PDE7B: variants seen among roughly 807,000 people sequenced by gnomAD.
PDE7B encodes the protein 3',5'-cyclic-AMP phosphodiesterase 7B.
Under a neutral mutation model 56.2 loss-of-function variants are expected in PDE7B, and 29 were observed. That is an observed-to-expected ratio of 0.52 (90% CI 0.38 to 0.70). The LOEUF (loss-of-function observed/expected upper bound fraction) is 0.70. Ranked by LOEUF, PDE7B falls within the 30% of genes least tolerant of loss-of-function variation. The pLI is 0.00. For synonymous variants in PDE7B, 197 were observed against 196.9 expected, an observed-to-expected ratio of 1.00 and a Z score of 0.00; for missense variants, 490 against 565.0, an observed-to-expected ratio of 0.87 and a Z score of 1.35.
intron 11 of PDE7B, among the ~76,000 whole-genome samples, chr6:136,182,028 C>T (rs1400814914): frequency 6.6e-6 from 1 of 152,148 alleles, no homozygotes; most frequent in East Asian, 1.9e-4. Flanking sequence ...TTTGTTCAGG[C>T]ATCAACAGTG....
chr6:135,868,660 G>T (rs1254444153), intron 1 of PDE7B, among the ~76,000 whole-genome samples: 1 of 152,186 alleles, frequency 6.6e-6, no homozygotes, highest in Non-Finnish European at 1.5e-5. Flanking sequence ...TTGAACTTCT[G>T]ATCTCAGGTG....
chr6:136,011,972 C>T (rs1403571151), intron 2 of PDE7B, among the ~76,000 whole-genome samples: 1 of 152,178 alleles, frequency 6.6e-6, no homozygotes, highest in Non-Finnish European at 1.5e-5. Context: ...TTATGTCTTT[C>T]TCACGAGGTA....
intron 8 of PDE7B, among the ~76,000 whole-genome samples, chr6:136,157,358 A>G (rs1157043068): frequency 1.3e-5 from 2 of 152,190 alleles, no homozygotes; most frequent in East Asian, 1.9e-4. Flanking sequence ...AGGCAGGCGG[A>G]TCACTTGAGG....
intron 2 of PDE7B, chr6:136,034,476 C>A (rs1776293524): frequency 6.6e-6 from 1 of 152,140 alleles, no homozygotes; most frequent in African/African-American, 2.4e-5. Flanking sequence ...AAAGAAGAAA[C>A]TTTTTAGCAC....
chr6:136,040,004 T>C (rs1776388193), intron 2 of PDE7B, among the ~76,000 whole-genome samples: 1 of 152,208 alleles, frequency 6.6e-6, no homozygotes, highest in South Asian at 2.1e-4. Flanking sequence ...ATTATTTATG[T>C]TCTATATTAG....
chr6:136,056,356 T>G, intron 2 of PDE7B, among the ~76,000 whole-genome samples: 1 of 152,156 alleles, frequency 6.6e-6, no homozygotes, highest in Non-Finnish European at 1.5e-5. Flanking sequence ...TCTAATTATA[T>G]TAATGTGTTT....
At chr6:136,003,965 C>T (rs1775723900) in intron 2 of PDE7B, among the ~76,000 whole-genome samples, 1 of 152,028 alleles carries the variant, frequency 6.6e-6, no homozygotes, top group African/African-American at 2.4e-5. Flanking sequence ...AAAATACTGG[C>T]AAACCGAATC....
At chr6:136,112,340 TG>T (rs1215505525) in intron 3 of PDE7B, among the ~76,000 whole-genome samples, 1 of 152,228 alleles carries the variant, frequency 6.6e-6, no homozygotes, top group East Asian at 1.9e-4. Flanking sequence ...CCCCTCCTCC[TG>T]CCTGTTTTGG....
At chr6:136,038,056 G>A (rs1384319964) in intron 2 of PDE7B, 3 of 1,336,182 alleles carry the variant, frequency 2.2e-6, no homozygotes, top group South Asian at 1.2e-5. Flanking sequence ...CGCTCTCGTC[G>A]GCAGTGTTTG....
At chr6:136,189,800 G>A (rs1363483755) in intron 12 of PDE7B, among the ~76,000 whole-genome samples, 1 of 151,912 alleles carries the variant, frequency 6.6e-6, no homozygotes, top group Non-Finnish European at 1.5e-5. Flanking sequence ...GAAAAGGGAG[G>A]TTGGCAGAAC....
intron 1 of PDE7B, among the ~76,000 whole-genome samples, chr6:135,890,560 C>T (rs2058200270): frequency 6.6e-6 from 1 of 152,176 alleles, no homozygotes; most frequent in Non-Finnish European, 1.5e-5. Flanking sequence ...GTATGACTGG[C>T]ATTTTTGAGA....
intron 2 of PDE7B, among the ~76,000 whole-genome samples, chr6:136,060,042 G>C (rs566145717): frequency 6.6e-6 from 1 of 152,240 alleles, no homozygotes; most frequent in East Asian, 1.9e-4. Flanking sequence ...TCAAACCCAT[G>C]TATTCTAATG....
At chr6:136,033,446 G>A (rs769024108) in intron 2 of PDE7B, among the ~76,000 whole-genome samples, 5 of 152,282 alleles carry the variant, frequency 3.3e-5, no homozygotes, top group Non-Finnish European at 7.3e-5. Context: ...ACAAGAGGCC[G>A]GGCAGGTCCC....
intron 1 of PDE7B, among the ~76,000 whole-genome samples, chr6:135,916,054 C>T (rs1210362810): frequency 6.6e-6 from 1 of 152,098 alleles, no homozygotes. Context: ...TTTTATTTCT[C>T]TTGAATAAGT....
intron 2 of PDE7B, among the ~76,000 whole-genome samples, chr6:136,093,819 C>T (rs1370922794): frequency 1.3e-5 from 2 of 152,216 alleles, no homozygotes; most frequent in East Asian, 1.9e-4. Context: ...ATAAAGTGCC[C>T]CAACAGTCTG....
chr6:135,926,598 C>A (rs1003050474), intron 1 of PDE7B, among the ~76,000 whole-genome samples: 19 of 151,982 alleles, frequency 1.3e-4, no homozygotes, highest in African/African-American at 4.6e-4. Flanking sequence ...GGTCATATGA[C>A]CTGCTTCCGG....
At chr6:136,092,596 A>G (rs571298873) in intron 2 of PDE7B, among the ~76,000 whole-genome samples, 2 of 152,272 alleles carry the variant, frequency 1.3e-5, no homozygotes, top group African/African-American at 2.4e-5. Flanking sequence ...CCACAACTCT[A>G]CCAAAAACAC....
chr6:136,170,616 C>T (rs1778862799), intron 8 of PDE7B, among the ~76,000 whole-genome samples: 1 of 152,060 alleles, frequency 6.6e-6, no homozygotes, highest in African/African-American at 2.4e-5. Flanking sequence ...AACAGAATAC[C>T]TGAAACTGAG....
chr6:135,998,164 A>G (rs1310931913), intron 2 of PDE7B, among the ~76,000 whole-genome samples: 1 of 152,112 alleles, frequency 6.6e-6, no homozygotes, highest in Non-Finnish European at 1.5e-5. Flanking sequence ...TTTTTGGAGG[A>G]GAAAAAGAGA....
Sources: gnomAD v4.1 joint callset for allele counts (sites outside exome capture counted in the v4.1 genomes callset) on GRCh38, gnomAD v4.1.1 for gene constraint, MANE v1.5 for transcripts, NCBI Gene and HGNC (gene_info 2026-07-23, HGNC 2026-07-21) for gene names.